Variants in RACK1 observed in about 807,000 individuals in gnomAD.
The protein encoded by RACK1 is small ribosomal subunit protein RACK1.
Under a neutral mutation model 42.2 loss-of-function variants are expected in RACK1, and 3 were observed. That is an observed-to-expected ratio of 0.07 (90% CI 0.03 to 0.18). The LOEUF (loss-of-function observed/expected upper bound fraction) is 0.18, where lower values mean the gene tolerates loss of function less well. Among genes scored for constraint, RACK1 ranks in the 10% least tolerant of loss-of-function variants. The probability of loss-of-function intolerance (pLI) is 1.00; values close to 1 mark genes in which losing one functional copy is unlikely to be tolerated. For synonymous variants in RACK1, 181 were observed against 154.8 expected (o/e 1.17, Z -1.25); for missense variants, 146 against 403.2 (o/e 0.36, Z 5.46).
intron 5 of RACK1, 41 bp downstream of exon 5, chr5:181,239,026 G>C: frequency 2.3e-6 from 3 of 1,280,000 alleles, no homozygotes; most frequent in Non-Finnish European, 3.4e-6. Flanking sequence ...CTTCCATGAC[G>C]CTGTCTTCCA....
At chr5:181,241,467 G>T (rs781220903) in intron 3 of RACK1, 25 bp downstream of exon 3, 5 of 1,543,080 alleles carry the variant, frequency 3.2e-6, no homozygotes, top group South Asian at 1.1e-5. Flanking sequence ...GGGTGGAAGA[G>T]ATCCTTGGAG....
chr5:181,239,427 G>A (rs1759260990), intron 4 of RACK1, 60 bp downstream of exon 4: 2 of 1,209,678 alleles, frequency 1.7e-6, no homozygotes, highest in South Asian at 1.2e-5. Flanking sequence ...GACTTGGAGT[G>A]TATGACCACC....
At position 181,239,706 on chromosome 5, in the gene RACK1, T is replaced by G. The variant is rs254445; in HGVS notation, c.430-124A>C. On this transcript the variant is annotated intron_variant, in intron 3 of 7. Transcript: ENST00000512805. Reference sequence around the variant, plus strand: ...CTTTCAAAAACCAAGAACCCAAACCTTTAAGCTCAATAGAATCCCTTTAGA... The same window carrying G: ...CTTTCAAAAACCAAGAACCCAAACCGTTAAGCTCAATAGAATCCCTTTAGA... The G allele has an allele frequency of 4.8e-5, 30 of 623,524 alleles. 1 individual carries two copies. Among genetic ancestry groups the G allele is most frequent in the South Asian group, 7.6e-5 (4 of 52,334 alleles). The allele number at this position is 623,524 out of a possible 1,614,324, so 38.6% of individuals were successfully genotyped here. A position where few individuals can be genotyped will look rare whatever the true frequency, so the allele number is the denominator to read the frequency against.
At position 181,242,212 on chromosome 5, in the gene RACK1, G is replaced by T; in HGVS notation, c.243C>A (p.Gly81=). ...AGAGGCGCAGGGTTCCATCCCAGGA[G>T]CCTGAGAGGGCAAACTGGCCATCTG... ...ISSDGQFALS[G]SWDGTLRLWD... The change falls in exon 2 of 8, where the codon GGC becomes GGA. Residue 81 remains glycine, a synonymous_variant. Transcript: ENST00000512805. 1 of 1,613,936 alleles carries T rather than the reference G, an allele frequency of 6.2e-7. No homozygotes were observed. The highest frequency in any genetic ancestry group is 8.5e-7 in the Non-Finnish European group (1 of 1,179,894).
At chr5:181,237,358 T>C (rs186917858) in intron 7 of RACK1, 1 of 705,768 alleles carries the variant, frequency 1.4e-6, no homozygotes, top group African/African-American at 1.7e-5. Flanking sequence ...CTCCAGACAT[T>C]TGAAAACTGG....
At chr5:181,242,564 T>C (rs746091044) in intron 1 of RACK1, 4 of 625,412 alleles carry the variant, frequency 6.4e-6, no homozygotes, top group South Asian at 6.1e-5. Flanking sequence ...CCTGATAACT[T>C]TTTTTTTTCT....
rs1554104294 is a variant in RACK1 at position 181,236,926 on chromosome 5, A to G, written c.*51T>C. On this transcript the variant is annotated 3_prime_UTR_variant, in exon 8 of 8. Coordinates refer to ENST00000512805, the MANE Select transcript of RACK1 (RefSeq NM_006098.5). ...TTGCATATAAGAAAAAAAAACCTAA[A>G]AGTCAGAAAAGCCAGTTTTTTTTTT... The G allele has an allele frequency of 6.4e-7, 1 of 1,555,824 alleles. No individual in the cohort carries two copies. Among genetic ancestry groups the G allele is most frequent in the Non-Finnish European group, 8.6e-7 (1 of 1,159,012 alleles).
chr5:181,239,625 C>T (rs777992366), intron 3 of RACK1, 43 bp from the exon 4 acceptor site: 2 of 1,329,260 alleles, frequency 1.5e-6, no homozygotes, highest in African/African-American at 1.4e-5. Context: ...AGTCCTATCC[C>T]ATGAAATGCT....
intron 4 of RACK1, 129 bp downstream of exon 4, chr5:181,239,358 C>T: frequency 1.3e-6 from 1 of 791,168 alleles, no homozygotes; most frequent in Non-Finnish European, 2.3e-6. Context: ...TTACAAGGGA[C>T]ATCAGACCAT....
intron 1 of RACK1, chr5:181,243,410 G>A: frequency 6.9e-7 from 1 of 1,459,704 alleles, no homozygotes; most frequent in South Asian, 1.1e-5. Context: ...GCCACACTAC[G>A]AAGGAGAAGG....
chr5:181,243,664 G>T (rs1450171831), intron 1 of RACK1, 28 bp downstream of exon 1: 1 of 1,567,134 alleles, frequency 6.4e-7, no homozygotes, highest in Non-Finnish European at 8.7e-7. Context: ...CTGCAATCTC[G>T]GGTCCTGAAA....
chr5:181,242,529 A>C, intron 1 of RACK1, 184 bp from the exon 2 acceptor site: 1 of 682,478 alleles, frequency 1.5e-6, no homozygotes, highest in South Asian at 1.6e-5. Context: ...TCCAGACTAA[A>C]AACGCACGTA....
At chr5:181,243,285 C>T (rs1204084450) in intron 1 of RACK1, 2 of 1,356,990 alleles carry the variant, frequency 1.5e-6, no homozygotes, top group African/African-American at 1.5e-5. Flanking sequence ...AGTCCACCTG[C>T]CTCCCCACGA....
At chr5:181,239,612 A>G in intron 3 of RACK1, 30 bp from the exon 4 acceptor site, 1 of 1,425,476 alleles carries the variant, frequency 7.0e-7, no homozygotes, top group Non-Finnish European at 9.9e-7. Flanking sequence ...AATTAGGGCA[A>G]ACAGTCCTAT....
intron 2 of RACK1, 105 bp downstream of exon 2, chr5:181,242,069 T>C (rs773060507): frequency 9.7e-7 from 1 of 1,029,986 alleles, no homozygotes; most frequent in East Asian, 2.4e-5. Flanking sequence ...TGCTTTCCAG[T>C]TCCCAAATGG....
In RACK1 at chr5:181,237,657, C is replaced by T. The variant is rs1554104386; in HGVS notation, c.840G>A (p.Lys280=). The change falls in exon 7 of 8, where the codon AAG becomes AAA. Residue 280 remains lysine, a synonymous_variant. Transcript: ENST00000512805. ...LKQEVISTSS[K]AEPPQCTSLA... ...GGGAGGTGCACTGGGGTGGTTCTGC[C>T]TTGCTGCTGGTACTGATAACTTCTT... The T allele has an allele frequency of 1.9e-6, 3 of 1,613,276 alleles. No individual in the cohort carries two copies. Among genetic ancestry groups the T allele is most frequent in the Non-Finnish European group, 2.5e-6 (3 of 1,179,216 alleles).
At chr5:181,242,865 C>G in intron 1 of RACK1, 1 of 330,536 alleles carries the variant, frequency 3.0e-6, no homozygotes, top group Non-Finnish European at 5.9e-6. Flanking sequence ...AGCCTGTATC[C>G]TGAGAACTTA....
chr5:181,243,427 A>C, intron 1 of RACK1: 1 of 1,506,520 alleles, frequency 6.6e-7, no homozygotes, highest in Non-Finnish European at 8.9e-7. Flanking sequence ...AAGGCAAAAG[A>C]TATTTTAAAA....
chr5:181,237,844 T>C, intron 6 of RACK1, 125 bp from the exon 7 acceptor site: 2 of 677,604 alleles, frequency 3.0e-6, no homozygotes, highest in Non-Finnish European at 5.3e-6. Flanking sequence ...TATCAATGCC[T>C]ACATGCATTT....
Sources: gnomAD v4.1 joint callset for allele counts on GRCh38, gnomAD v4.1.1 for gene constraint, MANE v1.5 for transcripts, NCBI Gene and HGNC (gene_info 2026-07-23, HGNC 2026-07-21) for gene names.